OR52L1: variants seen among roughly 807,000 people sequenced by gnomAD.
OR52L1 encodes olfactory receptor family 52 subfamily L member 1.
In OR52L1, 15 loss-of-function variants were observed where a neutral mutation model predicts 16.1. The ratio of observed to expected loss-of-function variants is 0.93; its 90% confidence interval spans 0.62 to 1.44. The LOEUF (loss-of-function observed/expected upper bound fraction) is 1.44, where lower values mean the gene tolerates loss of function less well. Ranked by LOEUF, OR52L1 falls within the 40% of genes most tolerant of loss-of-function variation. The pLI, the probability that OR52L1 is intolerant of heterozygous loss-of-function variation, is 0.00. For synonymous variants in OR52L1, 166 were observed against 159.2 expected (o/e 1.04, Z -0.32); for missense variants, 406 against 402.3 (o/e 1.01, Z -0.08).
Position 5,986,399 on chromosome 11 carries a change from G to A in OR52L1, c.532C>T (p.Pro178Ser). ...AAGATAAGTGTTCCCAACAAAATGGGGAAGGGGATAAGGAGTAGTAATCCC... is the reference window on the plus strand; with the variant it reads ...AAGATAAGTGTTCCCAACAAAATGGAGAAGGGGATAAGGAGTAGTAATCCC... The part of the protein sequence containing the change: ...VRGLLLLIPF[P>S]ILLGTLIFCQ... The change falls in exon 1 of 1, where the codon CCC (proline) becomes TCC (serine). Residue 178 changes from proline to serine, a missense_variant. Physicochemically the swap from Pro to Ser is moderately conservative, Grantham distance 74. Transcript: ENST00000332249. The A allele has an allele frequency of 6.2e-7, 1 of 1,613,950 alleles. No homozygotes were observed. Among genetic ancestry groups the A allele is most frequent in the East Asian group, 2.2e-5 (1 of 44,880 alleles).
rs117702096 is a variant in OR52L1, at chr11:5,985,913, C to T, written c.*28G>A. 0.013 allele frequency: 20,889 copies of T among 1,558,576 alleles called. 185 individuals are homozygous for T. The highest frequency in any genetic ancestry group is 0.016 in the Non-Finnish European group (18,945 of 1,151,740). On this transcript the variant is annotated 3_prime_UTR_variant, in exon 1 of 1. Coordinates refer to ENST00000332249, the MANE Select transcript of OR52L1 (RefSeq NM_001005173.3). ...GGCTGTGGTCCGCAGAAGAAGCCTC[C>T]GAAGGAAACAATGAGAATATGTTCA... is the stretch of plus-strand genomic sequence containing the variant.
Position 5,986,350 on chromosome 11 carries a change from T to C in OR52L1, c.581A>G (p.His194Arg). The C allele has an allele frequency of 1.2e-6, 2 of 1,613,850 alleles. No homozygotes were observed. Among genetic ancestry groups the C allele is most frequent in the Non-Finnish European group, 1.7e-6 (2 of 1,179,742 alleles). ...AACAGCCATATGTTCACAATAGGCA[T>C]GGCCTATGATGGTGGCTTGGCAGAA... The part of the protein sequence containing the change: ...LIFCQATIIG[H>R]AYCEHMAVVK... The change falls in exon 1 of 1, where the codon CAT becomes CGT. Residue 194 changes from histidine to arginine, a missense_variant. Coordinates refer to ENST00000332249, the MANE Select transcript of OR52L1 (RefSeq NM_001005173.3).
rs373752876 is a variant in OR52L1 at position 5,986,609 on chromosome 11, G to A, written c.322C>T (p.His108Tyr). Residue 108 changes from histidine (H) to tyrosine (Y), a missense_variant, in exon 1 of 1, where the codon CAC (histidine) becomes TAC (tyrosine). Physicochemically the swap from His to Tyr is moderately conservative, Grantham distance 83. Coordinates refer to ENST00000332249, the MANE Select transcript of OR52L1 (RefSeq NM_001005173.3). ...AGGCAGACGATGTACCCAATCTCGT[G>A]GGCATGAACCAGGAGCACTGCAAGG... ...KALAVLLVHA[H>Y]EIGYIVCLIQ... 3 of 1,613,820 alleles carry A rather than the reference G, an allele frequency of 1.9e-6. No individual in the cohort carries two copies. The highest frequency in any genetic ancestry group is 2.2e-5 in the South Asian group (2 of 91,080).
rs1304743588 is a variant in OR52L1, at chr11:5,985,908, G to A, written c.*33C>T. On this transcript the variant is annotated 3_prime_UTR_variant, in exon 1 of 1. Coordinates refer to ENST00000332249, the MANE Select transcript of OR52L1 (RefSeq NM_001005173.3). Reference sequence around the variant, plus strand: ...CTCCTGGCTGTGGTCCGCAGAAGAAGCCTCCGAAGGAAACAATGAGAATAT... The same window carrying A: ...CTCCTGGCTGTGGTCCGCAGAAGAAACCTCCGAAGGAAACAATGAGAATAT... The A allele has an allele frequency of 1.3e-6, 2 of 1,547,510 alleles. No homozygotes were observed. The highest frequency in any genetic ancestry group is 4.6e-5 in the East Asian group (2 of 43,212).
In OR52L1 at chr11:5,986,397, G is replaced by A. The variant is rs751914363; in HGVS notation, c.534C>T (p.Pro178=). ...VRGLLLLIPF[P]ILLGTLIFCQ... is the part of the protein sequence containing the mutation. Reference sequence around the variant, plus strand: ...AGAAGATAAGTGTTCCCAACAAAATGGGGAAGGGGATAAGGAGTAGTAATC... The same window carrying A: ...AGAAGATAAGTGTTCCCAACAAAATAGGGAAGGGGATAAGGAGTAGTAATC... The change falls in exon 1 of 1, where the codon CCC becomes CCT. Residue 178 remains proline, a synonymous_variant. Coordinates refer to ENST00000332249, the MANE Select transcript of OR52L1 (RefSeq NM_001005173.3). The A allele has an allele frequency of 1.2e-6, 2 of 1,613,892 alleles. No homozygotes were observed. Among genetic ancestry groups the A allele is most frequent in the Non-Finnish European group, 1.7e-6 (2 of 1,179,798 alleles).
At position 5,986,754 on chromosome 11, in the gene OR52L1, G is replaced by A. The variant is rs375438567; in HGVS notation, c.177C>T (p.Gly59=). The A allele has an allele frequency of 6.2e-7, 1 of 1,613,956 alleles. No homozygotes were observed. The highest frequency in any genetic ancestry group is 1.7e-5 in the Admixed American group (1 of 60,024). Residue 59 remains glycine, a synonymous_variant, in exon 1 of 1, where the codon GGC becomes GGT. Coordinates refer to ENST00000332249, the MANE Select transcript of OR52L1 (RefSeq NM_001005173.3). ...LGILYLLALV[G]NVTILFIIWM... ...AGATGATGAAGAGAATGGTAACATT[G>A]CCCACTAAAGCAAGGAGGTAAAGGA...
Position 5,986,240 on chromosome 11 carries a change from C to A in OR52L1, c.691G>T (p.Ala231Ser), listed in dbSNP as rs1810011642. Residue 231 changes from alanine to serine, a missense_variant, in exon 1 of 1, where the codon GCC (alanine) becomes TCC (serine). Coordinates refer to ENST00000332249, the MANE Select transcript of OR52L1 (RefSeq NM_001005173.3). The stretch of plus-strand genomic sequence containing the variant: ...ATGTGGGCATAGGAAACACCAATGG[C>A]CAGAACATCCAGCCCAATCACAAGC... ...ALLVIGLDVLAIGVSYAHILQ... is the reference protein window; with the variant it reads ...ALLVIGLDVLSIGVSYAHILQ... The A allele has an allele frequency of 6.2e-7, 1 of 1,613,660 alleles. No homozygotes were observed. The highest frequency in any genetic ancestry group is 1.1e-5 in the South Asian group (1 of 91,078).
In OR52L1 at chr11:5,986,840, G is replaced by A. The variant is rs1848123339; in HGVS notation, c.91C>T (p.Leu31Phe). 1 of 1,613,876 alleles carries A rather than the reference G, an allele frequency of 6.2e-7. No individual in the cohort carries two copies. The highest frequency in any genetic ancestry group is 1.1e-5 in the South Asian group (1 of 91,086). Residue 31 changes from leucine (L) to phenylalanine (F), a missense_variant, in exon 1 of 1, where the codon CTC becomes TTC. Transcript: ENST00000332249. Reference protein sequence around the residue: ...SSWRLSQPSFLLVGIPGLEES... With the variant: ...SSWRLSQPSFFLVGIPGLEES... ...TCTAAACCTGGAATCCCTACCAGGA[G>A]AAAAGAAGGCTGGGATAGCCTCCAG... is the stretch of plus-strand genomic sequence containing the variant.
In OR52L1 at chr11:5,986,193, T is replaced by A. The variant is rs767289781; in HGVS notation, c.738A>T (p.Val246=). ...YAHILQAVLK[V]PGSEARLKAF... ...CCTTAAGTCGGGCCTCACTCCCTGG[T>A]ACCTTCAGCACTGCCTGGAGGATGT... is the stretch of plus-strand genomic sequence containing the variant. The change falls in exon 1 of 1, where the codon GTA becomes GTT. Residue 246 remains valine, a synonymous_variant. Coordinates refer to ENST00000332249, the MANE Select transcript of OR52L1 (RefSeq NM_001005173.3). 2.5e-6 allele frequency: 4 copies of A among 1,613,802 alleles called. No individual in the cohort carries two copies. In the South Asian group the frequency reaches 4.4e-5, roughly 18 times the overall value.
In OR52L1 at chr11:5,986,452, C is replaced by G. The variant is rs1286808587; in HGVS notation, c.479G>C (p.Gly160Ala). 1 of 1,613,920 alleles carries G rather than the reference C, an allele frequency of 6.2e-7. No individual in the cohort carries two copies. Among genetic ancestry groups the G allele is most frequent in the East Asian group, 2.2e-5 (1 of 44,876 alleles). ...HSTILHPGVI[G>A]RIGMVVLVRG... ...CACCAGCACCACCATTCCGATGCGC[C>G]CTATGACCCCTGGATGCAGGATTGT... Residue 160 changes from glycine (G) to alanine (A), a missense_variant, in exon 1 of 1, where the codon GGG becomes GCG. Gly to Ala is a moderately conservative substitution (Grantham distance 60). Coordinates refer to ENST00000332249, the MANE Select transcript of OR52L1 (RefSeq NM_001005173.3).
Position 5,986,631 on chromosome 11 carries a change from A to C in OR52L1, c.300T>G (p.Leu100=). 1.2e-6 allele frequency: 2 copies of C among 1,613,928 alleles called. No individual in the cohort carries two copies. Among genetic ancestry groups the C allele is most frequent in the Non-Finnish European group, 1.7e-6 (2 of 1,179,850 alleles). ...CGTGGGCATGAACCAGGAGCACTGC[A>C]AGGGCTTTGGGTGCAGTGGAGGAGG... ...VLASSTAPKA[L]AVLLVHAHEI... is the part of the protein sequence containing the mutation. Residue 100 remains leucine, a synonymous_variant, in exon 1 of 1, where the codon CTT becomes CTG. Coordinates refer to ENST00000332249, the MANE Select transcript of OR52L1 (RefSeq NM_001005173.3).
In OR52L1 at chr11:5,986,040, C is replaced by A. The variant is rs777983777; in HGVS notation, c.891G>T (p.Arg297=). ...PHHVHVLLAT[R]YLLMPPALNP... is the part of the protein sequence containing the mutation. ...TGAGCGCAGGTGGCATGAGGAGATA[C>A]CGTGTGGCCAGAAGAACATGGACAT... is the stretch of plus-strand genomic sequence containing the variant. Residue 297 remains arginine, a synonymous_variant, in exon 1 of 1, where the codon CGG becomes CGT. Coordinates refer to ENST00000332249, the MANE Select transcript of OR52L1 (RefSeq NM_001005173.3). The A allele has an allele frequency of 6.2e-6, 10 of 1,613,598 alleles. No homozygotes were observed. Among genetic ancestry groups the A allele is most frequent in the Non-Finnish European group, 8.5e-6 (10 of 1,179,760 alleles).
chr11:5,986,900 A>T lies in OR52L1; in HGVS notation c.31T>A (p.Ser11Thr). ...CTAAGGAGCATTATCAATGGCTTGG[A>T]GAGGAAAGAGAAAAAAGAAACCAAA... MTLVSFFSFL[S>T]KPLIMLLSNS... The change falls in exon 1 of 1, where the codon TCC becomes ACC. Residue 11 changes from serine (S) to threonine (T), a missense_variant. Transcript: ENST00000332249. The T allele has an allele frequency of 1.9e-6, 3 of 1,613,136 alleles. No individual in the cohort carries two copies. Among genetic ancestry groups the T allele is most frequent in the Non-Finnish European group, 2.5e-6 (3 of 1,179,500 alleles).
chr11:5,986,359 A>G lies in OR52L1; in HGVS notation c.572T>C (p.Ile191Thr). The change falls in exon 1 of 1, where the codon ATC (isoleucine) becomes ACC (threonine). Residue 191 changes from isoleucine to threonine, a missense_variant. Transcript: ENST00000332249. Reference protein sequence around the residue: ...LGTLIFCQATIIGHAYCEHMA... With the variant: ...LGTLIFCQATTIGHAYCEHMA... ...ATGTTCACAATAGGCATGGCCTATGATGGTGGCTTGGCAGAAGATAAGTGT... is the reference window on the plus strand; with the variant it reads ...ATGTTCACAATAGGCATGGCCTATGGTGGTGGCTTGGCAGAAGATAAGTGT... 1 of 1,613,970 alleles carries G rather than the reference A, an allele frequency of 6.2e-7. No homozygotes were observed. The highest frequency in any genetic ancestry group is 8.5e-7 in the Non-Finnish European group (1 of 1,179,830).
rs1848123523 is a variant in OR52L1, at chr11:5,986,858, G to A, written c.73C>T (p.Leu25=). Reference sequence around the variant, plus strand: ...ACCAGGAGAAAAGAAGGCTGGGATAGCCTCCAGCTTGAATTGCTAAGGAGC... The same window carrying A: ...ACCAGGAGAAAAGAAGGCTGGGATAACCTCCAGCTTGAATTGCTAAGGAGC... ...IMLLSNSSWR[L]SQPSFLLVGI... The change falls in exon 1 of 1, where the codon CTA becomes TTA. Residue 25 remains leucine (L), a synonymous_variant. Coordinates refer to ENST00000332249, the MANE Select transcript of OR52L1 (RefSeq NM_001005173.3). 2.5e-6 allele frequency: 4 copies of A among 1,613,850 alleles called. No individual in the cohort carries two copies. The highest frequency in any genetic ancestry group is 2.2e-5 in the South Asian group (2 of 91,072).
Position 5,986,789 on chromosome 11 carries a change from GC to G in OR52L1, c.141del (p.Leu49TrpfsTer9). ...GLEESQHWIA[L>X]PLGILYLLAL... ...GCAAGGAGGTAAAGGATGCCCAGGG[GC>G]AGTGCAATCCAGTGCTGGCTTTCCT... On this transcript the variant is annotated frameshift_variant, in exon 1 of 1. Transcript: ENST00000332249. LOFTEE classifies it high-confidence loss of function. 1 of 1,614,046 alleles carries G rather than the reference GC, an allele frequency of 6.2e-7. No individual in the cohort carries two copies. The highest frequency in any genetic ancestry group is 8.5e-7 in the Non-Finnish European group (1 of 1,179,878).
Position 5,986,604 on chromosome 11 carries a change from CT to C in OR52L1, c.326del (p.Glu109GlyfsTer8). The stretch of plus-strand genomic sequence containing the variant: ...GGATCAGGCAGACGATGTACCCAAT[CT>C]CGTGGGCATGAACCAGGAGCACTGC... ...ALAVLLVHAH[E>X]IGYIVCLIQM... On this transcript the variant is annotated frameshift_variant, in exon 1 of 1. Coordinates refer to ENST00000332249, the MANE Select transcript of OR52L1 (RefSeq NM_001005173.3). LOFTEE classifies it high-confidence loss of function. The C allele has an allele frequency of 6.2e-7, 1 of 1,613,968 alleles. No individual in the cohort carries two copies. The highest frequency in any genetic ancestry group is 1.1e-5 in the South Asian group (1 of 91,074).
rs780095253 is a variant in OR52L1 at position 5,986,019 on chromosome 11, C to T, written c.912G>A (p.Ala304=). The T allele has an allele frequency of 3.0e-5, 49 of 1,613,106 alleles. 1 individual carries two copies. The highest frequency in any genetic ancestry group is 1.8e-4 in the South Asian group (16 of 90,956). ...TCACTCCATAGACAAGAGGATTGAGCGCAGGTGGCATGAGGAGATACCGTG... is the reference window on the plus strand; with the variant it reads ...TCACTCCATAGACAAGAGGATTGAGTGCAGGTGGCATGAGGAGATACCGTG... ...LATRYLLMPP[A]LNPLVYGVKT... The change falls in exon 1 of 1, where the codon GCG becomes GCA. Residue 304 remains alanine (A), a synonymous_variant. Transcript: ENST00000332249.
rs147074816 is a variant in OR52L1 at position 5,986,926 on chromosome 11, G to A, written c.5C>T (p.Thr2Ile). The stretch of plus-strand genomic sequence containing the variant: ...GAGGAAAGAGAAAAAAGAAACCAAA[G>A]TCATGATTTCTGCATTCCTGCTACA... The part of the protein sequence containing the change: M[T>I]LVSFFSFLSK... Residue 2 changes from threonine to isoleucine, a missense_variant, in exon 1 of 1, where the codon ACT becomes ATT. Coordinates refer to ENST00000332249, the MANE Select transcript of OR52L1 (RefSeq NM_001005173.3). 3.7e-6 allele frequency: 6 copies of A among 1,611,792 alleles called. No homozygotes were observed. Among genetic ancestry groups the A allele is most frequent in the Non-Finnish European group, 5.1e-6 (6 of 1,179,068 alleles).
Sources: gnomAD v4.1 joint callset for allele counts on GRCh38, gnomAD v4.1.1 for gene constraint, MANE v1.5 for transcripts, NCBI Gene and HGNC (gene_info 2026-07-23, HGNC 2026-07-21) for gene names.